PIGL: variants seen among roughly 807,000 people sequenced by gnomAD.
PIGL encodes phosphatidylinositol glycan anchor biosynthesis class L, also known as N-acetylglucosaminyl-phosphatidylinositol de-N-acetylase.
PIGL carries 22 observed loss-of-function variants against 31.1 expected under a neutral mutation model. That is an observed-to-expected ratio of 0.71 (90% CI 0.51 to 1.01). PIGL has a LOEUF of 1.01. PIGL is among the 50% of genes least tolerant of loss of function. PIGL has a pLI of 0.00. For synonymous variants in PIGL, 131 were observed against 117.4 expected, an observed-to-expected ratio of 1.12 and a Z score of -0.75; for missense variants, 302 against 315.9, an observed-to-expected ratio of 0.96 and a Z score of 0.33.
chr17:16,322,842 A>AT (rs2093111719), intron 6 of PIGL, among the ~76,000 whole-genome samples: 1 of 152,006 alleles, frequency 6.6e-6, no homozygotes, highest in South Asian at 2.1e-4. Context: ...TTAATGCCCC[A>AT]TTTTTCTCAT....
intron 2 of PIGL, among the ~76,000 whole-genome samples, chr17:16,238,676 C>T (rs1317605131): frequency 6.0e-5 from 9 of 149,896 alleles, no homozygotes; most frequent in Non-Finnish European, 7.4e-5. Flanking sequence ...TTTGGGAGGC[C>T]GAGGCAGGAG....
At chr17:16,253,596 C>CCTCAT (rs1211523590) in intron 2 of PIGL, among the ~76,000 whole-genome samples, 4 of 152,070 alleles carry the variant, frequency 2.6e-5, no homozygotes, top group African/African-American at 9.7e-5. Context: ...CCTTGCTCAG[C>CCTCAT]CTCATCTTTT....
intron 5 of PIGL, chr17:16,317,268 A>G (rs1039610298): frequency 7.0e-6 from 7 of 1,002,828 alleles, no homozygotes; most frequent in African/African-American, 3.4e-5. Flanking sequence ...AAAGGAGCTT[A>G]CCAAGCCATG....
At chr17:16,265,014 C>A (rs1284394025) in intron 2 of PIGL, among the ~76,000 whole-genome samples, 1 of 152,164 alleles carries the variant, frequency 6.6e-6, no homozygotes, top group Non-Finnish European at 1.5e-5. Context: ...TGTTTCACAT[C>A]AATTTATATA....
In PIGL at chr17:16,316,718, G is replaced by T. The variant is rs2093078812; in HGVS notation, c.526+6G>T. On this transcript the variant is annotated splice_donor_region_variant and intron_variant, in intron 5 of 6. Transcript: ENST00000225609. ...AGAAGGGAAGTTACCTAAAGGTAAG[G>T]CTTGTTCCTTTTGCAAAGGGCCACA... 6.2e-7 allele frequency: 1 copy of T among 1,610,054 alleles called. No individual in the cohort carries two copies. Among genetic ancestry groups the T allele is most frequent in the Non-Finnish European group, 8.5e-7 (1 of 1,176,628 alleles).
intron 6 of PIGL, 119 bp downstream of exon 6, chr17:16,318,027 T>C (rs1214415557): frequency 1.1e-5 from 9 of 802,346 alleles, no homozygotes; most frequent in Non-Finnish European, 1.8e-5. Flanking sequence ...GTTCAGCACC[T>C]GTCCCTGAGA....
chr17:16,261,970 C>A (rs981119900), intron 2 of PIGL, among the ~76,000 whole-genome samples: 3 of 151,420 alleles, frequency 2.0e-5, no homozygotes, highest in African/African-American at 7.3e-5. Context: ...TGCCTGTAAT[C>A]CCAGCACTTT....
intron 2 of PIGL, among the ~76,000 whole-genome samples, chr17:16,283,568 C>A (rs1393152757): frequency 6.6e-6 from 1 of 152,164 alleles, no homozygotes; most frequent in Non-Finnish European, 1.5e-5. Flanking sequence ...CACCTGTAAT[C>A]TGAGCACTTT....
At chr17:16,282,111 AAGC>A in intron 2 of PIGL, 1 of 493,762 alleles carries the variant, frequency 2.0e-6, no homozygotes, top group South Asian at 1.5e-5. Flanking sequence ...CACCCTACAG[AAGC>A]TATCTGAGCA....
chr17:16,259,341 A>G (rs1459674796), intron 2 of PIGL, among the ~76,000 whole-genome samples: 1 of 126,864 alleles, frequency 7.9e-6, no homozygotes, highest in Non-Finnish European at 1.7e-5. Context: ...ATTTTCAACA[A>G]TGGTGCCAAG....
intron 3 of PIGL, among the ~76,000 whole-genome samples, chr17:16,306,004 A>G: frequency 6.6e-6 from 1 of 152,190 alleles, no homozygotes; most frequent in East Asian, 1.9e-4. Context: ...GCTGGAGTAC[A>G]GTGGCACGAT....
At chr17:16,264,916 C>T (rs558115557) in intron 2 of PIGL, among the ~76,000 whole-genome samples, 3 of 152,150 alleles carry the variant, frequency 2.0e-5, no homozygotes, top group Non-Finnish European at 4.4e-5. Flanking sequence ...CGTGAGCCAC[C>T]GCGCCTGGCT....
chr17:16,252,617 A>T (rs2092777546), intron 2 of PIGL, among the ~76,000 whole-genome samples: 1 of 150,746 alleles, frequency 6.6e-6, no homozygotes, highest in Non-Finnish European at 1.5e-5. Flanking sequence ...CATATATATA[A>T]TTTAAAAGAC....
chr17:16,227,107 G>GT (rs1218891787), intron 1 of PIGL, among the ~76,000 whole-genome samples: 28 of 150,858 alleles, frequency 1.9e-4, no homozygotes, highest in African/African-American at 6.3e-4. Flanking sequence ...GCTTTTTTGG[G>GT]TTTTTTCTTT....
chr17:16,229,481 C>CTTTTTTTTTTTTT (rs71353784), intron 1 of PIGL, among the ~76,000 whole-genome samples: 1 of 114,218 alleles, frequency 8.8e-6, no homozygotes, highest in Non-Finnish European at 1.8e-5. Context: ...ACCGGTTTTC[C>CTTTTTTTTTTTTT]TTTTTTTTTT....
chr17:16,261,215 C>T (rs2092817971), intron 2 of PIGL, among the ~76,000 whole-genome samples: 1 of 152,062 alleles, frequency 6.6e-6, no homozygotes, highest in East Asian at 1.9e-4. Flanking sequence ...GAACTGCAGC[C>T]CTTTGGAGAG....
At chr17:16,293,615 C>G (rs2142823266) in intron 2 of PIGL, among the ~76,000 whole-genome samples, 1 of 152,308 alleles carries the variant, frequency 6.6e-6, no homozygotes, top group East Asian at 1.9e-4. Flanking sequence ...TTGGTTCATC[C>G]AAATATAGAG....
At chr17:16,281,257 A>T (rs1407539918) in intron 2 of PIGL, among the ~76,000 whole-genome samples, 2 of 152,212 alleles carry the variant, frequency 1.3e-5, no homozygotes, top group Non-Finnish European at 2.9e-5. Flanking sequence ...GTAGAACAGT[A>T]GTTCATTTTG....
intron 1 of PIGL, among the ~76,000 whole-genome samples, chr17:16,225,620 G>C (rs2092649078): frequency 6.6e-6 from 1 of 150,846 alleles, no homozygotes; most frequent in Non-Finnish European, 1.5e-5. Flanking sequence ...GAGCCACCGT[G>C]CCTGGCCTTT....
Sources: gnomAD v4.1 joint callset for allele counts (sites outside exome capture counted in the v4.1 genomes callset) on GRCh38, gnomAD v4.1.1 for gene constraint, MANE v1.5 for transcripts, NCBI Gene and HGNC (gene_info 2026-07-23, HGNC 2026-07-21) for gene names.